The following UBE2E2 variants were observed in gnomAD, a reference collection of about 807,000 sequenced individuals.
UBE2E2 encodes the protein ubiquitin-conjugating enzyme E2 E2.
Under a neutral mutation model 24.7 loss-of-function variants are expected in UBE2E2, and 6 were observed. The observed-to-expected ratio is 0.24, with a 90% CI of 0.13 to 0.48. The LOEUF (loss-of-function observed/expected upper bound fraction) is 0.48. Among genes scored for constraint, UBE2E2 ranks in the 20% least tolerant of loss-of-function variants. UBE2E2 has a pLI of 0.99. For missense variants in UBE2E2, 169 were observed against 245.0 expected, an observed-to-expected ratio of 0.69 and a Z score of 2.07; for synonymous variants, 104 against 83.6, an observed-to-expected ratio of 1.24 and a Z score of -1.33.
At chr3:23,236,423 G>A (rs757227272) in intron 3 of UBE2E2, among the ~76,000 whole-genome samples, 17 of 151,050 alleles carry the variant, frequency 1.1e-4, no homozygotes, top group East Asian at 1.9e-4. Flanking sequence ...AGTTCTGTTC[G>A]TCTGAATGTT....
At chr3:23,438,279 C>G (rs1381016956) in intron 3 of UBE2E2, among the ~76,000 whole-genome samples, 1 of 152,126 alleles carries the variant, frequency 6.6e-6, no homozygotes, top group Non-Finnish European at 1.5e-5. Flanking sequence ...TTTCCTCATG[C>G]TGGAGCAAGA....
At chr3:23,502,775 T>C (rs906218974) in intron 4 of UBE2E2, among the ~76,000 whole-genome samples, 1 of 152,250 alleles carries the variant, frequency 6.6e-6, no homozygotes, top group Non-Finnish European at 1.5e-5. Context: ...TCAAATGCTA[T>C]ATTTCAGTAC....
intron 3 of UBE2E2, among the ~76,000 whole-genome samples, chr3:23,396,375 AATT>A (rs1697078003): frequency 6.7e-6 from 1 of 148,484 alleles, no homozygotes; most frequent in African/African-American, 2.4e-5. Flanking sequence ...TAAAATAAAA[AATT>A]ATATATGTAT....
At chr3:23,299,824 A>G (rs902870843) in intron 3 of UBE2E2, among the ~76,000 whole-genome samples, 7 of 152,104 alleles carry the variant, frequency 4.6e-5, no homozygotes, top group African/African-American at 1.7e-4. Context: ...GCTGAGTTCA[A>G]TTCCTGGGTA....
chr3:23,545,770 C>G (rs527366375), intron 5 of UBE2E2, among the ~76,000 whole-genome samples: 257 of 152,140 alleles, frequency 1.7e-3, no homozygotes, highest in African/African-American at 5.6e-3. Flanking sequence ...TCTAAGTGCC[C>G]GTCAACCGAT....
chr3:23,279,141 T>G (rs570600876), intron 3 of UBE2E2, among the ~76,000 whole-genome samples: 3 of 152,196 alleles, frequency 2.0e-5, no homozygotes, highest in African/African-American at 7.2e-5. Flanking sequence ...CAGTTGTCAC[T>G]GTTTATAATT....
chr3:23,395,275 C>T (rs763535839), intron 3 of UBE2E2, among the ~76,000 whole-genome samples: 54 of 152,270 alleles, frequency 3.5e-4, no homozygotes, highest in Non-Finnish European at 7.2e-4. Flanking sequence ...AAGTCATTTC[C>T]GGATACCAAC....
chr3:23,248,388 A>G (rs1164071927), intron 3 of UBE2E2, among the ~76,000 whole-genome samples: 1 of 152,254 alleles, frequency 6.6e-6, no homozygotes, highest in Non-Finnish European at 1.5e-5. Flanking sequence ...CCTTGACTGA[A>G]GGAAAAGTTA....
chr3:23,349,705 T>C lies in UBE2E2; in HGVS notation c.227+132393T>C, dbSNP rs570548072. Among the ~76,000 whole-genome samples the C allele has an allele frequency of 2.0e-5, 3 of 152,342 alleles. No individual in the cohort carries two copies. In the South Asian group the frequency reaches 6.2e-4, roughly 32 times the overall value. On this transcript the variant is annotated intron_variant, in intron 3 of 5. Coordinates refer to ENST00000396703, the MANE Select transcript of UBE2E2 (RefSeq NM_152653.4). ...GAGGGGCGCCCGCCATTGCCCAGGC[T>C]TGCTTAGGTAAACAAAGCAGCCAGG...
intron 5 of UBE2E2, among the ~76,000 whole-genome samples, chr3:23,571,531 G>T (rs534863533): frequency 1.3e-5 from 2 of 151,336 alleles, no homozygotes; most frequent in Admixed American, 6.6e-5. Context: ...CTCGTGATCC[G>T]CCCATCTCGG....
intron 4 of UBE2E2, among the ~76,000 whole-genome samples, chr3:23,503,932 G>A (rs1014916011): frequency 6.6e-6 from 1 of 152,086 alleles, no homozygotes; most frequent in South Asian, 2.1e-4. Flanking sequence ...TAATATGTAA[G>A]TATTTTAATG....
intron 5 of UBE2E2, among the ~76,000 whole-genome samples, chr3:23,570,462 G>A (rs1696194670): frequency 6.6e-6 from 1 of 152,140 alleles, no homozygotes; most frequent in Admixed American, 6.5e-5. Flanking sequence ...GGTGGTATGT[G>A]TATATGTACA....
At chr3:23,476,982 C>T (rs565972143) in intron 3 of UBE2E2, among the ~76,000 whole-genome samples, 10 of 152,118 alleles carry the variant, frequency 6.6e-5, no homozygotes, top group Non-Finnish European at 1.5e-4. Flanking sequence ...TATTCTCTAT[C>T]TTTATTTTAA....
intron 3 of UBE2E2, among the ~76,000 whole-genome samples, chr3:23,455,725 A>G (rs181197518): frequency 5.0e-4 from 76 of 152,314 alleles, no homozygotes; most frequent in African/African-American, 1.7e-3. Flanking sequence ...TATTACTGAA[A>G]GATCCTAACG....
chr3:23,571,280 C>CTTGTTTTTTTTTTTT (rs1696217892), intron 5 of UBE2E2, among the ~76,000 whole-genome samples: 1 of 29,866 alleles, frequency 3.3e-5, no homozygotes, highest in Non-Finnish European at 6.6e-5. Context: ...GTGCTCCTTT[C>CTTGTTTTTTTTTTTT]TTTTTTTTTT....
At position 23,570,528 on chromosome 3, in the gene UBE2E2, C is replaced by T. The variant is rs749726201; in HGVS notation, c.509-19206C>T. Among the ~76,000 whole-genome samples the T allele has an allele frequency of 4.6e-5, 7 of 152,196 alleles. No individual in the cohort carries two copies. In the Middle Eastern group the frequency reaches 0.01, roughly 222 times the overall value. ...TAAACAATGTATAGTAAATAATTTACAACAGTAAACAATGTATAATAAATA... is the reference window on the plus strand; with the variant it reads ...TAAACAATGTATAGTAAATAATTTATAACAGTAAACAATGTATAATAAATA... On this transcript the variant is annotated intron_variant, in intron 5 of 5. Coordinates refer to ENST00000396703, the MANE Select transcript of UBE2E2 (RefSeq NM_152653.4).
chr3:23,334,701 A>C (rs1473000479), intron 3 of UBE2E2, among the ~76,000 whole-genome samples: 2 of 152,220 alleles, frequency 1.3e-5, no homozygotes, highest in Admixed American at 6.5e-5. Flanking sequence ...TGAAAGATCA[A>C]CTGTATTATG....
At chr3:23,443,047 A>C (rs1698342133) in intron 3 of UBE2E2, among the ~76,000 whole-genome samples, 1 of 152,044 alleles carries the variant, frequency 6.6e-6, no homozygotes, top group South Asian at 2.1e-4. Flanking sequence ...CCAGTTTTCT[A>C]CTCACCTCTC....
rs1699096552 is a variant in UBE2E2 at position 23,474,991 on chromosome 3, T to A, written c.228-24617T>A. ...CCTCTCAAAGTCACCAACTGCATTT[T>A]GCTGAAAGTGATAGAACTTTCTCCA... On this transcript the variant is annotated intron_variant, in intron 3 of 5. Coordinates refer to ENST00000396703, the MANE Select transcript of UBE2E2 (RefSeq NM_152653.4). This position sits in a 1 kb window ranked among gnomAD's most constrained non-coding sequence, Gnocchi z 4.0. Among the ~76,000 whole-genome samples, 1 of 152,132 alleles carries A rather than the reference T, an allele frequency of 6.6e-6. No homozygotes were observed. Among genetic ancestry groups the A allele is most frequent in the African/African-American group, 2.4e-5 (1 of 41,362 alleles).
Sources: allele counts gnomAD v4.1 joint callset (sites outside exome capture counted in the v4.1 genomes callset), GRCh38; gene constraint gnomAD v4.1.1; non-coding constraint Gnocchi (gnomAD v3.1); transcripts MANE v1.5; gene names NCBI Gene and HGNC (gene_info 2026-07-23, HGNC 2026-07-21).